NTM: variants seen among roughly 807,000 people sequenced by gnomAD.
NTM encodes IgLON family member 2.
Under a neutral mutation model 42.1 loss-of-function variants are expected in NTM, and 13 were observed. The ratio of observed to expected loss-of-function variants is 0.31; its 90% CI spans 0.20 to 0.49. The LOEUF (loss-of-function observed/expected upper bound fraction) is 0.49. NTM is among the 20% of genes least tolerant of loss of function. The pLI, the probability that NTM is intolerant of heterozygous loss-of-function variation, is 0.99. For synonymous variants in NTM, 187 were observed against 179.2 expected (o/e 1.04, Z -0.35); for missense variants, 373 against 452.8 (o/e 0.82, Z 1.60).
chr11:131,515,486 A>T (rs2048788581), intron 1 of NTM, among the ~76,000 whole-genome samples: 1 of 152,156 alleles, frequency 6.6e-6, no homozygotes, highest in South Asian at 2.1e-4. Flanking sequence ...GAGCCGTTAC[A>T]TGTTGGGGAT....
At chr11:131,834,908 TGGTCAGG>T (rs1435176279) in intron 1 of NTM, among the ~76,000 whole-genome samples, 1 of 151,890 alleles carries the variant, frequency 6.6e-6, no homozygotes, top group East Asian at 1.9e-4. Flanking sequence ...ATGTTCATTA[TGGTCAGG>T]GGTCAGGTAG....
At position 132,217,502 on chromosome 11, in the gene NTM, A is replaced by T. The variant is rs552261812; in HGVS notation, c.526+5355A>T. Among the ~76,000 whole-genome samples the T allele has an allele frequency of 4.9e-4, 74 of 151,904 alleles. No homozygotes were observed. The South Asian group carries it at 0.014, about 29-fold the overall frequency. ...ATATATGAATTGAGGTGGGTTAGAG[A>T]TCAAAAGAGATCTTCCCTAGGGTGA... On this transcript the variant is annotated intron_variant, in intron 4 of 8. Coordinates refer to ENST00000683400, the MANE Select transcript of NTM (RefSeq NM_001352005.2).
chr11:132,330,120 C>G (rs750078093), intron 7 of NTM, 33 bp from the exon 8 acceptor site: 1 of 1,551,426 alleles, frequency 6.4e-7, no homozygotes, highest in African/African-American at 1.4e-5. Context: ...CTGCTTTCGA[C>G]CTTAACAGTG....
intron 2 of NTM, among the ~76,000 whole-genome samples, chr11:131,972,913 A>G (rs1027290993): frequency 1.3e-5 from 2 of 152,184 alleles, no homozygotes; most frequent in African/African-American, 2.4e-5. Flanking sequence ...GCGATGTCTA[A>G]ATCACTTTGT....
chr11:131,789,625 GAAGAAGAA>G (rs1565552874), intron 1 of NTM, among the ~76,000 whole-genome samples: 2 of 85,562 alleles, frequency 2.3e-5, no homozygotes, highest in African/African-American at 5.3e-5. Context: ...AGAAGAAGAA[GAAGAAGAA>G]GAAAAGAAGA....
At chr11:132,284,412 A>G (rs1001784462) in intron 4 of NTM, 1 of 152,072 alleles carries the variant, frequency 6.6e-6, no homozygotes, top group African/African-American at 2.4e-5. Flanking sequence ...CTGTGTCCTG[A>G]TCTCTTCTCC....
chr11:131,825,906 T>C (rs1373386740), intron 1 of NTM, among the ~76,000 whole-genome samples: 1 of 152,152 alleles, frequency 6.6e-6, no homozygotes, highest in African/African-American at 2.4e-5. Flanking sequence ...ACAGCGAATA[T>C]GTTTTTGGAG....
intron 4 of NTM, among the ~76,000 whole-genome samples, chr11:132,248,261 T>G (rs2091471842): frequency 6.6e-6 from 1 of 152,216 alleles, no homozygotes; most frequent in African/African-American, 2.4e-5. Flanking sequence ...AGTCTTTTTC[T>G]GATCCCCTGA....
chr11:132,135,933 G>A (rs2067826484), intron 2 of NTM, among the ~76,000 whole-genome samples: 1 of 152,200 alleles, frequency 6.6e-6, no homozygotes, highest in Non-Finnish European at 1.5e-5. Flanking sequence ...TCTTTCTGGG[G>A]ATGCATCTTG....
Position 132,208,191 on chromosome 11 carries a change from CT to C in NTM, c.401-3829del, listed in dbSNP as rs555842332. 1.1e-4 allele frequency among the ~76,000 whole-genome samples: 16 copies of C among 152,330 alleles called. 1 individual carries two copies. Among genetic ancestry groups the C allele is most frequent in the Middle Eastern group, 3.4e-3 (1 of 292 alleles). ...TATCTCACACTTGGTCAGAAGCTTC[CT>C]TATGAGGATGGCTTAGCTAAAACCA... On this transcript the variant is annotated intron_variant, in intron 3 of 8. Coordinates refer to ENST00000683400, the MANE Select transcript of NTM (RefSeq NM_001352005.2).
intron 2 of NTM, among the ~76,000 whole-genome samples, chr11:131,949,313 C>T (rs1327571071): frequency 2.6e-5 from 4 of 152,096 alleles, no homozygotes; most frequent in Non-Finnish European, 5.9e-5. Flanking sequence ...TGAGCATGGG[C>T]GTGCTAATAT....
At chr11:131,481,300 G>A (rs180898198) in intron 1 of NTM, among the ~76,000 whole-genome samples, 10 of 152,328 alleles carry the variant, frequency 6.6e-5, no homozygotes, top group Admixed American at 5.2e-4. Context: ...TCCCCTGAAC[G>A]TGGAGACGGT....
chr11:131,472,883 TGA>T (rs1291596223), intron 1 of NTM, among the ~76,000 whole-genome samples: 1 of 152,120 alleles, frequency 6.6e-6, no homozygotes, highest in Admixed American at 6.5e-5. Flanking sequence ...CCCCAGAGAT[TGA>T]GTCATCCCTT....
intron 1 of NTM, among the ~76,000 whole-genome samples, chr11:131,639,656 T>A (rs1318585214): frequency 6.6e-6 from 1 of 152,084 alleles, no homozygotes; most frequent in African/African-American, 2.4e-5. Flanking sequence ...CTGGTAACCT[T>A]TCAAAAAGTG....
chr11:132,283,631 T>A (rs1023240417), intron 4 of NTM, among the ~76,000 whole-genome samples: 33 of 152,324 alleles, frequency 2.2e-4, no homozygotes, highest in African/African-American at 7.5e-4. Flanking sequence ...TCCTAAATGA[T>A]GAATGAAAGA....
At chr11:132,070,637 C>T (rs1418088403) in intron 2 of NTM, among the ~76,000 whole-genome samples, 1 of 138,336 alleles carries the variant, frequency 7.2e-6, no homozygotes, top group Non-Finnish European at 1.6e-5. Flanking sequence ...CAAAACACGT[C>T]AAACTGACCA....
At chr11:132,067,489 A>G (rs2056696558) in intron 2 of NTM, among the ~76,000 whole-genome samples, 1 of 152,250 alleles carries the variant, frequency 6.6e-6, no homozygotes, top group Non-Finnish European at 1.5e-5. Flanking sequence ...ACCCCAAGGT[A>G]AAGTTTCTGT....
In NTM at chr11:131,406,375, A is replaced by C. The variant is rs546212723; in HGVS notation, c.82+35487A>C. Among the ~76,000 whole-genome samples, 32 of 152,286 alleles carry C rather than the reference A, an allele frequency of 2.1e-4. 1 individual carries two copies. Among genetic ancestry groups the C allele is most frequent in the Middle Eastern group, 3.4e-3 (1 of 294 alleles). On this transcript the variant is annotated intron_variant, in intron 1 of 8. Transcript: ENST00000683400. ...ACTTATTAATTTAGTGGCCATATTAAAATCCTTATCTCTCTGAGGGATTTT... is the reference window on the plus strand; with the variant it reads ...ACTTATTAATTTAGTGGCCATATTACAATCCTTATCTCTCTGAGGGATTTT...
chr11:132,335,088 G>T lies in NTM; in HGVS notation c.1010G>T (p.Arg337Met). Residue 337 changes from arginine (R) to methionine (M), a missense_variant, in exon 9 of 9, where the codon AGG (arginine) becomes ATG (methionine). By Grantham distance (91) the Arg-to-Met change is moderately conservative. Transcript: ENST00000683400. ...GAGGTGAGCAACGGCACGTCGAGGAGGGCAGGCTGCGTCTGGCTGCTGCCT... is the reference window on the plus strand; with the variant it reads ...GAGGTGAGCAACGGCACGTCGAGGATGGCAGGCTGCGTCTGGCTGCTGCCT... ...VSEVSNGTSR[R>M]AGCVWLLPLL... is the part of the protein sequence containing the mutation. 1 of 1,612,698 alleles carries T rather than the reference G, an allele frequency of 6.2e-7. No homozygotes were observed. Among genetic ancestry groups the T allele is most frequent in the Non-Finnish European group, 8.5e-7 (1 of 1,179,994 alleles).
Sources: allele counts gnomAD v4.1 joint callset (sites outside exome capture counted in the v4.1 genomes callset), GRCh38; gene constraint gnomAD v4.1.1; transcripts MANE v1.5; gene names NCBI Gene and HGNC (gene_info 2026-07-23, HGNC 2026-07-21).